The following MSRA variants were observed in gnomAD, a reference collection of about 807,000 sequenced individuals.
MSRA encodes the protein mitochondrial peptide methionine sulfoxide reductase.
A neutral mutation model predicts 31.3 loss-of-function variants in MSRA; 54 were observed. That is an observed-to-expected ratio of 1.73 (90% CI 1.39 to 2.17). The LOEUF (loss-of-function observed/expected upper bound fraction) is 2.17. MSRA is among the 30% of genes most tolerant of loss of function. MSRA has a pLI of 0.00. For synonymous variants in MSRA, 169 were observed against 116.5 expected (o/e 1.45, Z -2.90); for missense variants, 507 against 300.9 (o/e 1.69, Z -5.07).
chr8:10,219,678 C>A (rs1322617383), intron 2 of MSRA, among the ~76,000 whole-genome samples: 1 of 151,560 alleles, frequency 6.6e-6, no homozygotes, highest in African/African-American at 2.4e-5. Flanking sequence ...TGGCGGCGGA[C>A]GCCTGTAGTC....
chr8:10,292,326 C>A (rs907082903), intron 3 of MSRA, among the ~76,000 whole-genome samples: 1 of 152,218 alleles, frequency 6.6e-6, no homozygotes, highest in East Asian at 1.9e-4. Context: ...TCTTTATTAA[C>A]ATCACATCAC....
At chr8:10,321,883 C>G (rs925043940) in intron 5 of MSRA, among the ~76,000 whole-genome samples, 15 of 152,174 alleles carry the variant, frequency 9.9e-5, no homozygotes, top group Non-Finnish European at 1.3e-4. Context: ...GACTTCAAGC[C>G]AGAGGCACAC....
intron 4 of MSRA, among the ~76,000 whole-genome samples, chr8:10,315,004 C>A (rs951229581): frequency 6.6e-6 from 1 of 152,128 alleles, no homozygotes; most frequent in East Asian, 1.9e-4. Flanking sequence ...GGAGCCTTCA[C>A]AATTATGACC....
intron 1 of MSRA, among the ~76,000 whole-genome samples, chr8:10,181,097 C>G (rs115278649): frequency 8.9e-4 from 135 of 152,340 alleles, no homozygotes; most frequent in African/African-American, 3.1e-3. Context: ...AAAAATTCGT[C>G]TACAGCTCCC....
At chr8:10,291,009 C>T (rs369681630) in intron 3 of MSRA, among the ~76,000 whole-genome samples, 1 of 152,106 alleles carries the variant, frequency 6.6e-6, no homozygotes, top group Non-Finnish European at 1.5e-5. Context: ...GCATTGGGTG[C>T]GAAGGCCAGC....
At chr8:10,286,497 C>G (rs563075573) in intron 3 of MSRA, among the ~76,000 whole-genome samples, 1 of 152,218 alleles carries the variant, frequency 6.6e-6, no homozygotes, top group African/African-American at 2.4e-5. Context: ...GCTTCCCCAG[C>G]CATGTGGAAC....
intron 3 of MSRA, among the ~76,000 whole-genome samples, chr8:10,301,004 T>G (rs973875352): frequency 1.3e-5 from 2 of 152,036 alleles, no homozygotes; most frequent in Non-Finnish European, 2.9e-5. Context: ...ATCTGACCCT[T>G]GTCCCAGTGT....
rs901361923 is a variant in MSRA at position 10,054,415 on chromosome 8, C to A, written c.-102C>A. The stretch of plus-strand genomic sequence containing the variant: ...CGCCCGCCCGCCCGCGCCCCTGCCG[C>A]CCCCCGGTTCCGGCCGCGGACCCCA... On this transcript the variant is annotated 5_prime_UTR_variant, in exon 1 of 6. Coordinates refer to ENST00000317173, the MANE Select transcript of MSRA (RefSeq NM_012331.5). 1.8e-6 allele frequency: 2 copies of A among 1,096,954 alleles called. No individual in the cohort carries two copies. Among genetic ancestry groups the A allele is most frequent in the African/African-American group, 1.7e-5 (1 of 60,120 alleles). The allele number at this position is 1,096,954 out of a possible 1,614,324, so 68.0% of individuals were successfully genotyped here. A position where few individuals can be genotyped will look rare whatever the true frequency, so the allele number is the denominator to read the frequency against.
At chr8:10,260,632 C>A (rs572404579) in intron 3 of MSRA, among the ~76,000 whole-genome samples, 1 of 152,116 alleles carries the variant, frequency 6.6e-6, no homozygotes, top group African/African-American at 2.4e-5. Flanking sequence ...GACAACATAC[C>A]TGGGCAGAGG....
At chr8:10,080,028 C>G (rs936881124) in intron 1 of MSRA, among the ~76,000 whole-genome samples, 1 of 152,172 alleles carries the variant, frequency 6.6e-6, no homozygotes, top group Admixed American at 6.5e-5. Flanking sequence ...ATCTCCTTTC[C>G]TCAGAAGCTG....
intron 1 of MSRA, among the ~76,000 whole-genome samples, chr8:10,135,705 A>T (rs1454489741): frequency 6.6e-6 from 1 of 152,170 alleles, no homozygotes; most frequent in Non-Finnish European, 1.5e-5. Flanking sequence ...CCCATATGAA[A>T]TTGCCATTTT....
chr8:10,319,948 C>T lies in MSRA; in HGVS notation c.502C>T (p.Gln168Ter). 4 of 1,602,098 alleles carry T rather than the reference C, an allele frequency of 2.5e-6. No homozygotes were observed. Among genetic ancestry groups the T allele is most frequent in the Admixed American group, 1.7e-5 (1 of 58,348 alleles). ...RSAIYPTSAK[Q>*]MEAALSSKEN... ...GGCCATCTACCCGACCTCTGCCAAG[C>T]AAATGGAGGCAGCCCTGAGCTCCAA... The change falls in exon 5 of 6, where the codon CAA becomes TAA. Residue 168 changes from glutamine (Q) to a stop codon, truncating the protein, a stop_gained. Transcript: ENST00000317173. LOFTEE classifies it high-confidence loss of function.
intron 2 of MSRA, 111 bp from the exon 3 acceptor site, chr8:10,244,993 T>C: frequency 1.1e-6 from 1 of 921,888 alleles, no homozygotes; most frequent in South Asian, 2.6e-5. Flanking sequence ...GGTTATCAAA[T>C]GACAGGAGCA....
At chr8:10,285,899 G>A (rs1799909781) in intron 3 of MSRA, among the ~76,000 whole-genome samples, 1 of 151,934 alleles carries the variant, frequency 6.6e-6, no homozygotes, top group African/African-American at 2.4e-5. Context: ...TTTTATTTCT[G>A]TATGTGTGAC....
chr8:10,341,003 A>G (rs1194225456), intron 5 of MSRA, among the ~76,000 whole-genome samples: 1 of 152,208 alleles, frequency 6.6e-6, no homozygotes, highest in Non-Finnish European at 1.5e-5. Flanking sequence ...TTTCCAACTG[A>G]TCAGATCCTT....
chr8:10,117,770 C>A (rs555185515), intron 1 of MSRA, among the ~76,000 whole-genome samples: 1 of 152,266 alleles, frequency 6.6e-6, no homozygotes, highest in African/African-American at 2.4e-5. Context: ...AGAACTTGGA[C>A]TCTGTTTCCT....
At chr8:10,317,027 G>A (rs762182017) in intron 4 of MSRA, among the ~76,000 whole-genome samples, 12 of 152,166 alleles carry the variant, frequency 7.9e-5, no homozygotes, top group Non-Finnish European at 1.2e-4. Context: ...GGCAGGATCC[G>A]TTTTCTCTTA....
At chr8:10,409,272 T>G (rs1014911033) in intron 5 of MSRA, among the ~76,000 whole-genome samples, 1 of 152,246 alleles carries the variant, frequency 6.6e-6, no homozygotes, top group Non-Finnish European at 1.5e-5. Context: ...CTGACTGGTG[T>G]AAGATGATAT....
intron 5 of MSRA, among the ~76,000 whole-genome samples, chr8:10,329,649 C>A (rs1440627344): frequency 6.6e-6 from 1 of 152,148 alleles, no homozygotes; most frequent in African/African-American, 2.4e-5. Context: ...GGTCTCCAAC[C>A]TGCCAGTGTC....
Sources: gnomAD v4.1 joint callset for allele counts (sites outside exome capture counted in the v4.1 genomes callset) on GRCh38, gnomAD v4.1.1 for gene constraint, MANE v1.5 for transcripts, NCBI Gene and HGNC (gene_info 2026-07-23, HGNC 2026-07-21) for gene names.